EPHA6: variants seen among roughly 807,000 people sequenced by gnomAD.
EPHA6 encodes EPH receptor A6, also known as ephrin type-A receptor 6.
EPHA6 carries 50 observed loss-of-function variants against 112.0 expected under a neutral mutation model. The ratio of observed to expected loss-of-function variants is 0.45; its 90% CI spans 0.36 to 0.56. EPHA6 has a LOEUF of 0.56. EPHA6 is among the 20% of genes least tolerant of loss of function. The pLI, the probability that EPHA6 is intolerant of heterozygous loss-of-function variation, is 0.00. For synonymous variants in EPHA6, 529 were observed against 490.7 expected, an observed-to-expected ratio of 1.08 and a Z score of -1.03; for missense variants, 1,280 against 1,417.4, an observed-to-expected ratio of 0.90 and a Z score of 1.56.
chr3:97,283,137 T>G (rs1271532438), intron 5 of EPHA6, among the ~76,000 whole-genome samples: 1 of 152,206 alleles, frequency 6.6e-6, no homozygotes, highest in Non-Finnish European at 1.5e-5. Context: ...TTGTTAGATT[T>G]TTTGCATTAT....
chr3:97,014,731 A>T (rs546881136), intron 3 of EPHA6, among the ~76,000 whole-genome samples: 80 of 152,368 alleles, frequency 5.3e-4, no homozygotes, highest in Middle Eastern at 3.4e-3. Context: ...ATGTTTCTTT[A>T]AATGAATATT....
chr3:97,288,184 C>G (rs1394439182), intron 5 of EPHA6, among the ~76,000 whole-genome samples: 1 of 152,170 alleles, frequency 6.6e-6, no homozygotes. Flanking sequence ...TTCCTTCACC[C>G]AGGTAGTGAG....
At chr3:97,719,431 G>T (rs1391383104) in intron 14 of EPHA6, among the ~76,000 whole-genome samples, 1 of 152,036 alleles carries the variant, frequency 6.6e-6, no homozygotes, top group African/African-American at 2.4e-5. Context: ...CCTTCAACTC[G>T]CACTTTGGAG....
intron 2 of EPHA6, among the ~76,000 whole-genome samples, chr3:96,931,356 G>A (rs747194162): frequency 4.6e-5 from 7 of 152,084 alleles, no homozygotes; most frequent in Non-Finnish European, 1.0e-4. Context: ...TGGACTGTTT[G>A]GACTCTCAAA....
chr3:97,644,146 G>A (rs954473533), intron 14 of EPHA6, among the ~76,000 whole-genome samples: 11 of 152,006 alleles, frequency 7.2e-5, no homozygotes, highest in African/African-American at 2.2e-4. Flanking sequence ...ACTCAAAACC[G>A]CTCAACTACA....
intron 2 of EPHA6, among the ~76,000 whole-genome samples, chr3:96,932,098 G>T (rs1391497561): frequency 6.6e-6 from 1 of 152,140 alleles, no homozygotes; most frequent in East Asian, 1.9e-4. Context: ...GCCTCCCTTG[G>T]TTGGGGGTGG....
At chr3:97,121,712 T>C (rs959201099) in intron 3 of EPHA6, among the ~76,000 whole-genome samples, 4 of 152,066 alleles carry the variant, frequency 2.6e-5, no homozygotes, top group African/African-American at 9.7e-5. Context: ...TAATTTTTAC[T>C]GAAAGGAGTA....
chr3:97,683,153 A>G (rs1013149820), intron 14 of EPHA6, among the ~76,000 whole-genome samples: 4 of 152,218 alleles, frequency 2.6e-5, no homozygotes, highest in Non-Finnish European at 5.9e-5. Context: ...CTTTTGAATT[A>G]TAATTTTTAA....
rs372525070 is a variant in EPHA6, at chr3:97,654,613, A to G, written c.2784+16531A>G. Among the ~76,000 whole-genome samples, 14 of 152,106 alleles carry G rather than the reference A, an allele frequency of 9.2e-5. No homozygotes were observed. The South Asian group carries it at 2.7e-3, about 29-fold the overall frequency. The stretch of plus-strand genomic sequence containing the variant: ...TTGAAGTAAGACCTGAAAATTGTAA[A>G]GGTACCAGCCAGGAAAAGATTTGAA... On this transcript the variant is annotated intron_variant, in intron 14 of 17. Transcript: ENST00000389672.
intron 5 of EPHA6, among the ~76,000 whole-genome samples, chr3:97,270,850 G>A (rs1316003930): frequency 6.6e-6 from 1 of 152,140 alleles, no homozygotes; most frequent in South Asian, 2.1e-4. Flanking sequence ...ACAATATTAT[G>A]AACAGTAGTT....
chr3:97,366,822 T>C (rs991178823), intron 5 of EPHA6, among the ~76,000 whole-genome samples: 1 of 152,214 alleles, frequency 6.6e-6, no homozygotes, highest in Non-Finnish European at 1.5e-5. Flanking sequence ...TCGCCCTTGT[T>C]TGAAAACGGC....
chr3:97,023,110 A>G (rs1455612439), intron 3 of EPHA6, among the ~76,000 whole-genome samples: 3 of 152,102 alleles, frequency 2.0e-5, no homozygotes, highest in African/African-American at 7.2e-5. Flanking sequence ...ATGGAGTCTC[A>G]TTCTGTTGCC....
chr3:96,939,898 T>A (rs1048149912), intron 2 of EPHA6, among the ~76,000 whole-genome samples: 3 of 152,198 alleles, frequency 2.0e-5, no homozygotes, highest in African/African-American at 7.2e-5. Context: ...TCAGTTTCCA[T>A]GTAGTTGAGC....
intron 2 of EPHA6, among the ~76,000 whole-genome samples, chr3:96,937,894 G>A (rs549188911): frequency 6.6e-6 from 1 of 152,068 alleles, no homozygotes; most frequent in Non-Finnish European, 1.5e-5. Context: ...TTTTTGTCAG[G>A]TTTGTCAAAG....
intron 4 of EPHA6, among the ~76,000 whole-genome samples, chr3:97,240,803 G>A (rs1018159497): frequency 3.3e-5 from 5 of 151,780 alleles, no homozygotes; most frequent in African/African-American, 7.3e-5. Context: ...TCAACAAAGT[G>A]AAGCAAATAG....
At chr3:97,072,967 G>T (rs1175862678) in intron 3 of EPHA6, among the ~76,000 whole-genome samples, 1 of 152,198 alleles carries the variant, frequency 6.6e-6, no homozygotes, top group East Asian at 1.9e-4. Context: ...CAGCATGTGG[G>T]TTTTCCACTC....
In EPHA6 at chr3:97,750,645, G is replaced by A. The variant is rs1355732779; in HGVS notation, c.*1944G>A. On this transcript the variant is annotated 3_prime_UTR_variant, in exon 18 of 18. Transcript: ENST00000389672. The stretch of plus-strand genomic sequence containing the variant: ...GCTGAGATTACAGGCGTGAGCCACC[G>A]CGCCTGGCCATTTTTTTCTTATATT... 6.6e-6 allele frequency among the ~76,000 whole-genome samples: 1 copy of A among 152,030 alleles called. No homozygotes were observed. The highest frequency in any genetic ancestry group is 1.5e-5 in the Non-Finnish European group (1 of 68,012).
chr3:97,555,332 T>C (rs1427278323), intron 11 of EPHA6, among the ~76,000 whole-genome samples: 3 of 152,076 alleles, frequency 2.0e-5, no homozygotes, highest in Non-Finnish European at 4.4e-5. Flanking sequence ...TCTATCATTG[T>C]TGGACATTTG....
At position 97,275,533 on chromosome 3, in the gene EPHA6, G is replaced by A. The variant is rs373446076; in HGVS notation, c.1606+31246G>A. On this transcript the variant is annotated intron_variant, in intron 5 of 17. Coordinates refer to ENST00000389672, the MANE Select transcript of EPHA6 (RefSeq NM_001080448.3). ...ATAGGAGAGTATATGGGTTTGGCAC[G>A]ACGGGGTGGATAGGCAAAACAATTT... 5.3e-4 allele frequency among the ~76,000 whole-genome samples: 81 copies of A among 151,722 alleles called. 1 individual carries two copies. The highest frequency in any genetic ancestry group is 1.6e-3 in the African/African-American group (66 of 41,390).
Sources: gnomAD v4.1 joint callset for allele counts (sites outside exome capture counted in the v4.1 genomes callset) on GRCh38, gnomAD v4.1.1 for gene constraint, MANE v1.5 for transcripts, NCBI Gene and HGNC (gene_info 2026-07-23, HGNC 2026-07-21) for gene names.